Variants in PRORP observed in about 807,000 individuals in gnomAD.
PRORP encodes mitochondrial ribonuclease P catalytic subunit.
Under a neutral mutation model 59.4 loss-of-function variants are expected in PRORP, and 51 were observed. The observed-to-expected ratio is 0.86, with a 90% CI of 0.69 to 1.08. The LOEUF (loss-of-function observed/expected upper bound fraction) is 1.08, where lower values mean the gene tolerates loss of function less well. PRORP is among the 50% of genes least tolerant of loss of function. The probability of loss-of-function intolerance (pLI) is 0.00; values close to 1 mark genes in which losing one functional copy is unlikely to be tolerated. For synonymous variants in PRORP, 231 were observed against 245.6 expected (o/e 0.94, Z 0.55); for missense variants, 646 against 690.3 (o/e 0.94, Z 0.72).
intron 5 of PRORP, 95 bp downstream of exon 5, chr14:35,180,872 C>G: frequency 1.3e-6 from 1 of 786,396 alleles, no homozygotes; most frequent in Non-Finnish European, 2.1e-6. Flanking sequence ...CTCAGTTTTT[C>G]TTCCTCTAAA....
At chr14:35,152,875 C>T (rs988405574) in intron 4 of PRORP, among the ~76,000 whole-genome samples, 2 of 151,386 alleles carry the variant, frequency 1.3e-5, no homozygotes, top group South Asian at 2.1e-4. Context: ...GACGGGATGG[C>T]GGCTGGGAAG....
chr14:35,175,058 C>G (rs527377833), intron 4 of PRORP, among the ~76,000 whole-genome samples: 36 of 152,126 alleles, frequency 2.4e-4, no homozygotes, highest in African/African-American at 8.7e-4. Context: ...CATGTCCTTA[C>G]AAAGGACATG....
intron 5 of PRORP, among the ~76,000 whole-genome samples, chr14:35,209,787 C>G (rs1446657585): frequency 6.6e-6 from 1 of 152,126 alleles, no homozygotes; most frequent in African/African-American, 2.4e-5. Context: ...CCACCGTCCT[C>G]GGCCTCCCAA....
At chr14:35,234,476 C>G (rs2050155540) in intron 5 of PRORP, among the ~76,000 whole-genome samples, 1 of 152,150 alleles carries the variant, frequency 6.6e-6, no homozygotes, top group Non-Finnish European at 1.5e-5. Flanking sequence ...ACCATCTCTG[C>G]TGCAAATGTC....
rs1311340324 is a variant in PRORP, at chr14:35,123,764, A to G, written c.519A>G (p.Val173=). ...AWVAAKNNGI[V]SYDLLVKYLY... is the part of the protein sequence containing the mutation. ...TAGCAGCCAAAAATAATGGTATTGT[A>G]AGTTACGATTTACTGGTCAAGTATT... The change falls in exon 2 of 8, where the codon GTA becomes GTG. Residue 173 remains valine, a synonymous_variant. Coordinates refer to ENST00000534898, the MANE Select transcript of PRORP (RefSeq NM_014672.4). The G allele has an allele frequency of 1.9e-6, 3 of 1,614,210 alleles. No individual in the cohort carries two copies. The highest frequency in any genetic ancestry group is 1.6e-4 in the Middle Eastern group (1 of 6,062).
chr14:35,136,059 T>C (rs2047365135), intron 4 of PRORP, among the ~76,000 whole-genome samples: 2 of 151,962 alleles, frequency 1.3e-5, no homozygotes, highest in African/African-American at 2.4e-5. Flanking sequence ...AAGGATAAGA[T>C]TGAGGCACTG....
chr14:35,203,293 A>G (rs1391069267), intron 5 of PRORP, among the ~76,000 whole-genome samples: 1 of 152,132 alleles, frequency 6.6e-6, no homozygotes, highest in Non-Finnish European at 1.5e-5. Context: ...TTTTTATTTA[A>G]TTGCAATGAT....
intron 4 of PRORP, among the ~76,000 whole-genome samples, chr14:35,131,966 A>G (rs1054814560): frequency 5.9e-5 from 9 of 151,662 alleles, no homozygotes; most frequent in Middle Eastern, 3.4e-3. Context: ...CAGCCTCCCA[A>G]GTAGCTGGGA....
intron 4 of PRORP, among the ~76,000 whole-genome samples, chr14:35,145,804 A>ATTATATAT (rs2047593632): frequency 4.7e-5 from 1 of 21,396 alleles, no homozygotes; most frequent in Non-Finnish European, 1.2e-4. Flanking sequence ...ATTTTATTTG[A>ATTATATAT]TTATTTATTT....
chr14:35,167,816 A>G (rs1433404818), intron 4 of PRORP, among the ~76,000 whole-genome samples: 2 of 152,196 alleles, frequency 1.3e-5, no homozygotes, highest in Admixed American at 1.3e-4. Flanking sequence ...TTTCTCACTT[A>G]ATGTCCTACT....
intron 4 of PRORP, among the ~76,000 whole-genome samples, chr14:35,165,330 A>T (rs1042500619): frequency 1.3e-5 from 2 of 151,990 alleles, no homozygotes; most frequent in African/African-American, 4.8e-5. Context: ...AAGAGAATGA[A>T]CTTCTGGGTT....
intron 4 of PRORP, among the ~76,000 whole-genome samples, chr14:35,164,211 A>G (rs1314257088): frequency 6.6e-6 from 1 of 152,232 alleles, no homozygotes; most frequent in Admixed American, 6.5e-5. Context: ...TAGTTCAGCC[A>G]CTGTGGAAAG....
Position 35,223,616 on chromosome 14 carries a change from C to T in PRORP, c.1275+42839C>T, listed in dbSNP as rs181970154. ...CTGGGATTACAGGTGCGCGCCACTG[C>T]GCCCAGCTAATTTTTTGTATTTTTA... On this transcript the variant is annotated intron_variant, in intron 5 of 7. Transcript: ENST00000534898. Among the ~76,000 whole-genome samples the T allele has an allele frequency of 8.0e-4, 122 of 152,144 alleles. 1 individual carries two copies. The South Asian group carries it at 0.023, about 29-fold the overall frequency.
chr14:35,179,354 C>T (rs1043194686), intron 4 of PRORP, among the ~76,000 whole-genome samples: 2 of 152,212 alleles, frequency 1.3e-5, no homozygotes, highest in Non-Finnish European at 2.9e-5. Flanking sequence ...GTTCCATTCT[C>T]CCTGTCACTT....
chr14:35,211,660 A>T (rs1033770797), intron 5 of PRORP, among the ~76,000 whole-genome samples: 2 of 152,208 alleles, frequency 1.3e-5, no homozygotes, highest in Non-Finnish European at 2.9e-5. Context: ...TAATGCACAT[A>T]CCTAAATTTT....
chr14:35,244,938 T>C lies in PRORP; in HGVS notation c.1276-21789T>C, dbSNP rs564984480. 5.4e-4 allele frequency among the ~76,000 whole-genome samples: 52 copies of C among 96,006 alleles called. No homozygotes were observed. In the East Asian group the frequency reaches 0.021, roughly 38 times the overall value. The allele number at this position is 96,006 out of a possible 152,430, so 63.0% of individuals were successfully genotyped here. ...TAGCTGTGTGAGGAAGGGGCAAGAT[T>C]GTCACTGTCAGATGAAAGCTCCCTT... is the stretch of plus-strand genomic sequence containing the variant. On this transcript the variant is annotated intron_variant, in intron 5 of 7. Coordinates refer to ENST00000534898, the MANE Select transcript of PRORP (RefSeq NM_014672.4).
At chr14:35,180,917 C>T in intron 5 of PRORP, 140 bp downstream of exon 5, 1 of 605,174 alleles carries the variant, frequency 1.7e-6, no homozygotes, top group South Asian at 2.0e-5. Context: ...TGACCAACTG[C>T]ATGCTCCCCT....
chr14:35,248,170 G>A (rs925221577), intron 5 of PRORP, among the ~76,000 whole-genome samples: 2 of 152,034 alleles, frequency 1.3e-5, no homozygotes, highest in Non-Finnish European at 2.9e-5. Flanking sequence ...GGACATGGTG[G>A]GTCTAATGTA....
chr14:35,121,972 CG>C, upstream of PRORP: 1 of 1,614,162 alleles, frequency 6.2e-7, no homozygotes, highest in South Asian at 1.1e-5. Flanking sequence ...CCGACTTCCG[CG>C]CAGCAGCTTC....
Sources: gnomAD v4.1 joint callset for allele counts (sites outside exome capture counted in the v4.1 genomes callset) on GRCh38, gnomAD v4.1.1 for gene constraint, MANE v1.5 for transcripts, NCBI Gene and HGNC (gene_info 2026-07-23, HGNC 2026-07-21) for gene names.